Variants in AP1M1 observed in about 807,000 individuals in gnomAD.
AP1M1 encodes AP-1 complex subunit mu-1.
In AP1M1, 18 loss-of-function variants were observed where a neutral mutation model predicts 57.1. That is an observed-to-expected ratio of 0.32 (90% confidence interval 0.22 to 0.47). The LOEUF (loss-of-function observed/expected upper bound fraction) is 0.47. Ranked by LOEUF, AP1M1 falls within the 20% of genes least tolerant of loss-of-function variation. The pLI is 1.00. For missense variants in AP1M1, 362 were observed against 593.5 expected, an observed-to-expected ratio of 0.61 and a Z score of 4.05; for synonymous variants, 241 against 237.9, an observed-to-expected ratio of 1.01 and a Z score of -0.12.
chr19:16,240,299 T>G lies in AP1M1; in HGVS notation c.*5864T>G, dbSNP rs2091641291. On this transcript the variant is annotated 3_prime_UTR_variant, in exon 12 of 12. Coordinates refer to ENST00000291439, the MANE Select transcript of AP1M1 (RefSeq NM_032493.4). ...ATGTGTGTGTGTGTGTGTGTGTGTG[T>G]GTGATGTGCGTGTGTGGTTAGCACA... 1 of 108,354 alleles carries G rather than the reference T, an allele frequency of 9.2e-6. No individual in the cohort carries two copies. The highest frequency in any genetic ancestry group is 5.6e-5 in the African/African-American group (1 of 17,900). 6.7% of individuals were successfully genotyped at this position (108,354 alleles called of 1,614,324 possible).
At chr19:16,213,480 T>C (rs1235961457) in intron 5 of AP1M1, among the ~76,000 whole-genome samples, 1 of 152,144 alleles carries the variant, frequency 6.6e-6, no homozygotes, top group Non-Finnish European at 1.5e-5. Context: ...GTGGGTGTTA[T>C]TGCATCTGAG....
In AP1M1 at chr19:16,203,367, G is replaced by A. The variant is rs549566066; in HGVS notation, c.43-92G>A. ...TGGCCATGACCGGAGTCCCCAGAGC[G>A]AAGCAGGGTGGTGCATCTCACCCCC... On this transcript the variant is annotated intron_variant, in intron 1 of 11. Coordinates refer to ENST00000291439, the MANE Select transcript of AP1M1 (RefSeq NM_032493.4). The surrounding 1 kb of genome is among the most constrained non-coding windows in gnomAD (Gnocchi z 4.6). 1.4e-5 allele frequency: 19 copies of A among 1,383,218 alleles called. No individual in the cohort carries two copies. Among genetic ancestry groups the A allele is most frequent in the African/African-American group, 5.7e-5 (4 of 70,182 alleles). The allele number at this position is 1,383,218 out of a possible 1,614,324, so 85.7% of individuals were successfully genotyped here. A position where few individuals can be genotyped will look rare whatever the true frequency, so the allele number is the denominator to read the frequency against.
intron 1 of AP1M1, 25 bp downstream of exon 1, chr19:16,198,093 T>G (rs756466184): frequency 7.5e-6 from 12 of 1,592,316 alleles, no homozygotes; most frequent in African/African-American, 1.4e-5. Context: ...CCACCCTCCC[T>G]GTTGCCAGGC....
At position 16,206,078 on chromosome 19, in the gene AP1M1, C is replaced by T. The variant is rs568466067; in HGVS notation, c.200-263C>T. On this transcript the variant is annotated intron_variant, in intron 2 of 11. Transcript: ENST00000291439. This position sits in a 1 kb window ranked among gnomAD's most constrained non-coding sequence, Gnocchi z 4.3. ...TCACCCAGCCGCCGGGACAGGTGCC[C>T]TGTGCCACCTGCCATCCCTGTGATT... 8.5e-5 allele frequency among the ~76,000 whole-genome samples: 13 copies of T among 152,284 alleles called. No homozygotes were observed. Among genetic ancestry groups the T allele is most frequent in the African/African-American group, 2.9e-4 (12 of 41,556 alleles).
chr19:16,203,902 C>T lies in AP1M1; in HGVS notation c.199+287C>T, dbSNP rs1265441262. On this transcript the variant is annotated intron_variant, in intron 2 of 11. Transcript: ENST00000291439. This position sits in a 1 kb window ranked among gnomAD's most constrained non-coding sequence, Gnocchi z 4.6. ...GCCTGCAGGGAGGCCTGGCTTCTGC[C>T]AGCTGGAGGGGTGGGCAGGCACTAG... Among the ~76,000 whole-genome samples, 1 of 152,182 alleles carries T rather than the reference C, an allele frequency of 6.6e-6. No homozygotes were observed. The highest frequency in any genetic ancestry group is 6.5e-5 in the Admixed American group (1 of 15,274).
chr19:16,204,703 T>C (rs2091462260), intron 2 of AP1M1, among the ~76,000 whole-genome samples: 1 of 152,170 alleles, frequency 6.6e-6, no homozygotes, highest in South Asian at 2.1e-4. Context: ...GGAAGATTTG[T>C]TCCTGGTGGC....
rs2091481980 is a variant in AP1M1 at position 16,209,067 on chromosome 19, G to A, written c.436G>A (p.Ala146Thr). 5.0e-6 allele frequency: 8 copies of A among 1,614,050 alleles called. No individual in the cohort carries two copies. The highest frequency in any genetic ancestry group is 1.1e-5 in the South Asian group (1 of 91,086). Residue 146 changes from alanine (A) to threonine (T), a missense_variant, in exon 5 of 12, where the codon GCC becomes ACC. Transcript: ENST00000291439. ...TQEGHKLETG[A>T]PRPPATVTNA... ...GGAAGGCCACAAGCTGGAAACAGGG[G>A]CCCCGCGGCCACCAGCCACCGTCAC...
intron 4 of AP1M1, 146 bp downstream of exon 4, chr19:16,208,295 A>T: frequency 1.1e-6 from 1 of 887,604 alleles, no homozygotes; most frequent in Non-Finnish European, 1.6e-6. Context: ...GGTTTTTACT[A>T]AGTTGCTCTT....
chr19:16,234,018 G>T, intron 10 of AP1M1, 181 bp from the exon 11 acceptor site: 1 of 622,926 alleles, frequency 1.6e-6, no homozygotes, highest in Non-Finnish European at 2.7e-6. Context: ...TCCAGAGGCG[G>T]CTCTGCCCTC....
At chr19:16,231,483 T>C (rs2091597774) in intron 9 of AP1M1, among the ~76,000 whole-genome samples, 1 of 151,958 alleles carries the variant, frequency 6.6e-6, no homozygotes, top group South Asian at 2.1e-4. Context: ...CTCGGCTTAC[T>C]GCAGAGGCAT....
chr19:16,201,890 G>A (rs982975647), intron 1 of AP1M1, among the ~76,000 whole-genome samples: 27 of 152,190 alleles, frequency 1.8e-4, no homozygotes, highest in African/African-American at 5.8e-4. Flanking sequence ...GCCAGACCAC[G>A]CTGGTCCTTG....
rs2091608333 is a variant in AP1M1 at position 16,233,604 on chromosome 19, A to G, written c.1159A>G (p.Thr387Ala). The change falls in exon 10 of 12, where the codon ACC becomes GCC. Residue 387 changes from threonine (T) to alanine (A), a missense_variant. Physicochemically the swap from Thr to Ala is moderately conservative, Grantham distance 58. Transcript: ENST00000291439. ...CAAGTTCGAGATCCCTTACTTCACT[A>G]CCTCCGGCATCCAGGTACGTAAGGC... Reference protein sequence around the residue: ...SVKFEIPYFTTSGIQVRYLKI... With the variant: ...SVKFEIPYFTASGIQVRYLKI... 6.2e-7 allele frequency: 1 copy of G among 1,611,020 alleles called. No individual in the cohort carries two copies. Among genetic ancestry groups the G allele is most frequent in the Non-Finnish European group, 8.5e-7 (1 of 1,178,794 alleles).
intron 9 of AP1M1, among the ~76,000 whole-genome samples, chr19:16,229,539 AG>A (rs1369802180): frequency 6.6e-6 from 1 of 152,120 alleles, no homozygotes; most frequent in East Asian, 1.9e-4. Context: ...CTGCTCCACC[AG>A]GGGGGCTCAG....
At chr19:16,220,947 C>T (rs1317936983) in intron 5 of AP1M1, among the ~76,000 whole-genome samples, 1 of 152,190 alleles carries the variant, frequency 6.6e-6, no homozygotes, top group Non-Finnish European at 1.5e-5. Context: ...GTATTATTGT[C>T]CTCTGGCTGC....
chr19:16,209,384 G>A, intron 5 of AP1M1: 1 of 494,136 alleles, frequency 2.0e-6, no homozygotes, highest in South Asian at 2.5e-5. Context: ...AGGCTAGAGT[G>A]TGGTGACACG....
chr19:16,222,525 T>C (rs2091550685), intron 5 of AP1M1, among the ~76,000 whole-genome samples: 1 of 152,214 alleles, frequency 6.6e-6, no homozygotes, highest in Non-Finnish European at 1.5e-5. Flanking sequence ...CATTCTGCTA[T>C]TAAGTCCATT....
intron 5 of AP1M1, among the ~76,000 whole-genome samples, chr19:16,220,531 C>T (rs1378632492): frequency 1.3e-5 from 2 of 152,086 alleles, no homozygotes; most frequent in African/African-American, 4.8e-5. Flanking sequence ...GTTGAGATTA[C>T]AGGCATGTAC....
intron 2 of AP1M1, among the ~76,000 whole-genome samples, chr19:16,204,662 C>T (rs940704679): frequency 6.6e-6 from 1 of 152,156 alleles, no homozygotes; most frequent in Non-Finnish European, 1.5e-5. Context: ...CAGGCTCCAC[C>T]CAGCCCTGCC....
rs867245506 is a variant in AP1M1, at chr19:16,234,955, G to A, written c.*520G>A. On this transcript the variant is annotated 3_prime_UTR_variant, in exon 12 of 12. Coordinates refer to ENST00000291439, the MANE Select transcript of AP1M1 (RefSeq NM_032493.4). The stretch of plus-strand genomic sequence containing the variant: ...TCCCCATGTCCCACCCACGTCCTAC[G>A]GCACTCAGGAAGCACTTGGTGAGGA... 2.5e-5 allele frequency: 4 copies of A among 158,892 alleles called. No homozygotes were observed. Among genetic ancestry groups the A allele is most frequent in the Admixed American group, 1.8e-4 (3 of 16,354 alleles). The allele number at this position is 158,892 out of a possible 1,614,324, so 9.8% of individuals were successfully genotyped here.
Sources: allele counts gnomAD v4.1 joint callset (sites outside exome capture counted in the v4.1 genomes callset), GRCh38; gene constraint gnomAD v4.1.1; non-coding constraint Gnocchi (gnomAD v3.1); transcripts MANE v1.5; gene names NCBI Gene and HGNC (gene_info 2026-07-23, HGNC 2026-07-21).